The following RNF217 variants were observed in gnomAD, a reference collection of about 807,000 sequenced individuals.
RNF217 encodes the protein ring finger protein 217.
A neutral mutation model predicts 57.8 loss-of-function variants in RNF217; 31 were observed. That is an observed-to-expected ratio of 0.54 (90% CI 0.40 to 0.72). RNF217 has a LOEUF of 0.72. RNF217 is among the 30% of genes least tolerant of loss of function. The pLI, the probability that RNF217 is intolerant of heterozygous loss-of-function variation, is 0.00. For missense variants in RNF217, 696 were observed against 708.3 expected (o/e 0.98, Z 0.20); for synonymous variants, 313 against 294.0 (o/e 1.06, Z -0.66).
At position 124,962,794 on chromosome 6, in the gene RNF217, C is replaced by T; in HGVS notation, c.250C>T (p.Pro84Ser). ...CCCGGGCTGGAGTAAGAGCCGAGCA[C>T]CGGCGCAGCCTGCGGGACTGGCACT... ...GPPGWSKSRA[P>S]AQPAGLALTG... The change falls in exon 1 of 6, where the codon CCG becomes TCG. Residue 84 changes from proline (P) to serine (S), a missense_variant. This residue lies in a region of RNF217 where 465 missense variants were observed against 386.8 expected (regional missense o/e 1.20). Coordinates refer to ENST00000521654, the MANE Select transcript of RNF217 (RefSeq NM_001286398.3). The surrounding 1 kb of genome is among the most constrained non-coding windows in gnomAD (Gnocchi z 4.6). The T allele has an allele frequency of 1.9e-6, 3 of 1,597,256 alleles. No individual in the cohort carries two copies. Among genetic ancestry groups the T allele is most frequent in the Non-Finnish European group, 1.7e-6 (2 of 1,179,534 alleles).
At chr6:125,057,826 G>C in intron 2 of RNF217, 116 bp from the exon 3 acceptor site, 1 of 770,936 alleles carries the variant, frequency 1.3e-6, no homozygotes, top group Non-Finnish European at 2.0e-6. Flanking sequence ...TCTTATAGAG[G>C]GGGAGGTATT....
intron 3 of RNF217, among the ~76,000 whole-genome samples, chr6:125,061,125 T>C (rs1028366298): frequency 6.6e-6 from 1 of 152,152 alleles, no homozygotes; most frequent in Non-Finnish European, 1.5e-5. Flanking sequence ...AAATAATGTG[T>C]TGATGATATT....
intron 1 of RNF217, among the ~76,000 whole-genome samples, chr6:125,005,752 CTG>C (rs908530781): frequency 2.0e-5 from 3 of 152,074 alleles, no homozygotes; most frequent in African/African-American, 4.8e-5. Flanking sequence ...TTAGATAAAA[CTG>C]TATGCAATAG....
At chr6:125,005,587 T>C (rs1044077060) in intron 1 of RNF217, among the ~76,000 whole-genome samples, 1 of 152,228 alleles carries the variant, frequency 6.6e-6, no homozygotes, top group Admixed American at 6.5e-5. Context: ...TAAAGTTTCC[T>C]TTGAAAATCT....
At chr6:124,968,545 G>A (rs1327091334) in intron 1 of RNF217, among the ~76,000 whole-genome samples, 1 of 151,982 alleles carries the variant, frequency 6.6e-6, no homozygotes, top group Non-Finnish European at 1.5e-5. Context: ...CTAAGCCCTG[G>A]GGCCAGCAGG....
intron 2 of RNF217, among the ~76,000 whole-genome samples, chr6:125,056,661 A>T (rs1787534167): frequency 6.6e-6 from 1 of 152,166 alleles, no homozygotes; most frequent in African/African-American, 2.4e-5. Flanking sequence ...AATTCTAACT[A>T]ACCTTTAAAA....
At chr6:125,052,325 TATTTG>T (rs1173089026) in intron 2 of RNF217, among the ~76,000 whole-genome samples, 2 of 138,808 alleles carry the variant, frequency 1.4e-5, no homozygotes, top group African/African-American at 6.5e-5. Flanking sequence ...TGTGTGGTTT[TATTTG>T]TTTTGTTTTG....
intron 1 of RNF217, among the ~76,000 whole-genome samples, chr6:124,968,074 G>C (rs551329911): frequency 6.6e-6 from 1 of 152,164 alleles, no homozygotes; most frequent in Non-Finnish European, 1.5e-5. Flanking sequence ...GAGCCACCGT[G>C]CCTGGCCCCA....
rs1783379907 is a variant in RNF217 at position 124,963,291 on chromosome 6, C to T, written c.747C>T (p.Gly249=). Residue 249 remains glycine, a synonymous_variant, in exon 1 of 6, where the codon GGC becomes GGT. Transcript: ENST00000521654. ...LLGAPPYSGL[G]GVGDPYVPLM... ...GAGCTCCACCCTACTCTGGCCTGGG[C>T]GGTGTAGGGGATCCCTATGTGCCCC... The T allele has an allele frequency of 1.3e-6, 2 of 1,535,850 alleles. No individual in the cohort carries two copies. Among genetic ancestry groups the T allele is most frequent in the Non-Finnish European group, 1.7e-6 (2 of 1,146,798 alleles).
At chr6:124,988,204 A>G (rs535662095) in intron 1 of RNF217, among the ~76,000 whole-genome samples, 1 of 152,234 alleles carries the variant, frequency 6.6e-6, no homozygotes, top group South Asian at 2.1e-4. Flanking sequence ...GTTTCATCCC[A>G]AAACTATCAC....
At position 124,962,974 on chromosome 6, in the gene RNF217, G is replaced by T; in HGVS notation, c.430G>T (p.Gly144Ter). ...EPRTRVGAAD[G>*]LVLDVLGQRR... ...CAGGACCCGCGTGGGGGCCGCCGAC[G>T]GACTGGTCCTGGACGTGCTGGGTCA... Residue 144 changes from glycine to a stop codon, truncating the protein, a stop_gained, in exon 1 of 6, where the codon GGA (glycine) becomes TGA (stop). Coordinates refer to ENST00000521654, the MANE Select transcript of RNF217 (RefSeq NM_001286398.3). LOFTEE classifies it high-confidence loss of function. The surrounding 1 kb of genome is among the most constrained non-coding windows in gnomAD (Gnocchi z 4.6). 6.3e-7 allele frequency: 1 copy of T among 1,597,102 alleles called. No individual in the cohort carries two copies. The highest frequency in any genetic ancestry group is 8.5e-7 in the Non-Finnish European group (1 of 1,179,330).
intron 1 of RNF217, chr6:124,983,506 G>A: frequency 1.0e-6 from 1 of 983,610 alleles, no homozygotes; most frequent in Non-Finnish European, 1.2e-6. Flanking sequence ...GGACCTTACA[G>A]GTTATATAAT....
In RNF217 at chr6:125,086,099, T is replaced by G. The variant is rs896878265; in HGVS notation, c.*3162T>G. The G allele has an allele frequency of 1.3e-5, 2 of 152,042 alleles. No homozygotes were observed. Among genetic ancestry groups the G allele is most frequent in the African/African-American group, 4.8e-5 (2 of 41,448 alleles). The allele number at this position is 152,042 out of a possible 1,614,324, so 9.4% of individuals were successfully genotyped here. A position where few individuals can be genotyped will look rare whatever the true frequency, so the allele number is the denominator to read the frequency against. On this transcript the variant is annotated 3_prime_UTR_variant, in exon 6 of 6. Coordinates refer to ENST00000521654, the MANE Select transcript of RNF217 (RefSeq NM_001286398.3). ...CCTTGCATGAACATATCCATAAGGTTGTACATTTGTTTTTTACAAGATCTT... is the reference window on the plus strand; with the variant it reads ...CCTTGCATGAACATATCCATAAGGTGGTACATTTGTTTTTTACAAGATCTT...
chr6:125,020,656 G>A (rs1371248947), intron 1 of RNF217, among the ~76,000 whole-genome samples: 1 of 152,042 alleles, frequency 6.6e-6, no homozygotes, highest in Non-Finnish European at 1.5e-5. Context: ...TCTAGATAAA[G>A]GCGTATTGCT....
chr6:125,019,541 T>G (rs139405622), intron 1 of RNF217, among the ~76,000 whole-genome samples: 1,686 of 152,304 alleles, frequency 0.011, 7 homozygotes, highest in Non-Finnish European at 0.019. Context: ...ATTTTCCCCT[T>G]TTTATTTTTT....
intron 3 of RNF217, among the ~76,000 whole-genome samples, chr6:125,059,973 A>G (rs181154052): frequency 6.6e-5 from 10 of 152,266 alleles, no homozygotes; most frequent in African/African-American, 2.4e-4. Context: ...TGTTTAAGTC[A>G]TATTTTATGA....
At chr6:125,011,297 C>G (rs576004984) in intron 1 of RNF217, among the ~76,000 whole-genome samples, 8 of 152,188 alleles carry the variant, frequency 5.3e-5, no homozygotes, top group South Asian at 4.1e-4. Context: ...TAATGGCCAT[C>G]ATTTATTATG....
At chr6:125,021,543 G>A (rs1785839188) in intron 1 of RNF217, among the ~76,000 whole-genome samples, 1 of 152,104 alleles carries the variant, frequency 6.6e-6, no homozygotes, top group African/African-American at 2.4e-5. Flanking sequence ...GGGATTACAG[G>A]CGTGAGCCAC....
chr6:125,005,959 G>A lies in RNF217; in HGVS notation c.883-39252G>A, dbSNP rs536605451. 2.6e-5 allele frequency: 4 copies of A among 152,258 alleles called. No individual in the cohort carries two copies. In the East Asian group the frequency reaches 7.7e-4, roughly 29 times the overall value. 9.4% of individuals were successfully genotyped at this position (152,258 alleles called of 1,614,324 possible). On this transcript the variant is annotated intron_variant, in intron 1 of 5. Transcript: ENST00000521654. ...ATACTGTGCCAGCCTTGAGGAATAG[G>A]TCAGAAAAGGTGTTTGTTATAAGAA...
Sources: allele counts gnomAD v4.1 joint callset (sites outside exome capture counted in the v4.1 genomes callset), GRCh38; gene constraint gnomAD v4.1.1; regional missense constraint gnomAD v4.1.1; non-coding constraint Gnocchi (gnomAD v3.1); transcripts MANE v1.5; gene names NCBI Gene and HGNC (gene_info 2026-07-23, HGNC 2026-07-21).